Variants in TCTN2 observed in about 807,000 individuals in gnomAD.
TCTN2 encodes the protein tectonic-2.
In TCTN2, 66 loss-of-function variants were observed where a neutral mutation model predicts 83.4. The ratio of observed to expected loss-of-function variants is 0.79; its 90% CI spans 0.65 to 0.97. TCTN2 has a LOEUF of 0.97. TCTN2 is among the 50% of genes least tolerant of loss of function. The probability of loss-of-function intolerance (pLI) is 0.00; values close to 1 mark genes in which losing one functional copy is unlikely to be tolerated. For missense variants in TCTN2, 794 were observed against 858.1 expected (o/e 0.93, Z 0.93); for synonymous variants, 301 against 326.7 (o/e 0.92, Z 0.85).
In TCTN2 at chr12:123,697,072, C is replaced by A; in HGVS notation, c.1394-15C>A. 1 of 1,600,096 alleles carries A rather than the reference C, an allele frequency of 6.2e-7. No homozygotes were observed. Among genetic ancestry groups the A allele is most frequent in the East Asian group, 2.2e-5 (1 of 44,770 alleles). On this transcript the variant is annotated splice_polypyrimidine_tract_variant and intron_variant, in intron 12 of 17. Transcript: ENST00000303372. Reference sequence around the variant, plus strand: ...TAGCAAAAAGTAGCAAGAGGATAATCTTTTTCTTTTATAGCTGGAAGGGGT... The same window carrying A: ...TAGCAAAAAGTAGCAAGAGGATAATATTTTTCTTTTATAGCTGGAAGGGGT...
intron 5 of TCTN2, among the ~76,000 whole-genome samples, chr12:123,682,585 G>A (rs1251883641): frequency 1.3e-5 from 2 of 151,996 alleles, no homozygotes; most frequent in African/African-American, 2.4e-5. Context: ...AGGTTCAAGC[G>A]ATTCTCCTGC....
At chr12:123,697,922 G>A (rs1288329907) in intron 13 of TCTN2, among the ~76,000 whole-genome samples, 2 of 150,432 alleles carry the variant, frequency 1.3e-5, no homozygotes, top group East Asian at 3.9e-4. Flanking sequence ...GTGCAGTGGT[G>A]CAATCATGGC....
intron 5 of TCTN2, among the ~76,000 whole-genome samples, chr12:123,681,359 A>G (rs887568644): frequency 5.9e-5 from 9 of 152,188 alleles, no homozygotes; most frequent in Non-Finnish European, 1.2e-4. Flanking sequence ...GAACATTTCT[A>G]CCACCCCAGA....
intron 5 of TCTN2, among the ~76,000 whole-genome samples, chr12:123,683,112 A>G (rs543036513): frequency 2.0e-5 from 3 of 151,684 alleles, no homozygotes; most frequent in Admixed American, 6.6e-5. Context: ...AGTCCCAGCT[A>G]TTCCGGCGGC....
chr12:123,698,669 G>A (rs565353243), intron 13 of TCTN2, among the ~76,000 whole-genome samples: 1 of 152,118 alleles, frequency 6.6e-6, no homozygotes, highest in Admixed American at 6.6e-5. Context: ...GGGCTCAAAC[G>A]ATCCTCCTGC....
chr12:123,700,664 C>T (rs890815964), intron 14 of TCTN2, among the ~76,000 whole-genome samples: 1 of 152,308 alleles, frequency 6.6e-6, no homozygotes, highest in Admixed American at 6.5e-5. Context: ...AACTCCTGAC[C>T]CCGTGATCCA....
intron 7 of TCTN2, 102 bp downstream of exon 7, chr12:123,688,279 G>C: frequency 6.9e-7 from 1 of 1,442,094 alleles, no homozygotes; most frequent in East Asian, 2.4e-5. Flanking sequence ...TGCAGTGCCA[G>C]ATCTCGGCTC....
At chr12:123,705,895 T>TA (rs1445877051) in intron 15 of TCTN2, among the ~76,000 whole-genome samples, 2 of 151,774 alleles carry the variant, frequency 1.3e-5, no homozygotes, top group African/African-American at 4.8e-5. Flanking sequence ...TAGCTGAGGT[T>TA]ACAAGCATGT....
At chr12:123,678,436 T>G (rs1008449905) in intron 4 of TCTN2, among the ~76,000 whole-genome samples, 3 of 152,218 alleles carry the variant, frequency 2.0e-5, no homozygotes, top group Non-Finnish European at 4.4e-5. Context: ...ATCTGTTTCT[T>G]TTTTGTAGCC....
rs1431924049 is a variant in TCTN2 at position 123,672,485 on chromosome 12, T to A, written c.267+353T>A. Reference sequence around the variant, plus strand: ...GCATCGTGGCTCACGCCTGTACTCATAGCGCTTTGGGAGATTGAGGCGGGA... The same window carrying A: ...GCATCGTGGCTCACGCCTGTACTCAAAGCGCTTTGGGAGATTGAGGCGGGA... On this transcript the variant is annotated intron_variant, in intron 3 of 17. Coordinates refer to ENST00000303372, the MANE Select transcript of TCTN2 (RefSeq NM_024809.5). Among the ~76,000 whole-genome samples, 4 of 152,218 alleles carry A rather than the reference T, an allele frequency of 2.6e-5. No individual in the cohort carries two copies. In the East Asian group the frequency reaches 7.7e-4, roughly 29 times the overall value.
intron 6 of TCTN2, 95 bp from the exon 7 acceptor site, chr12:123,687,956 T>C: frequency 6.6e-7 from 1 of 1,516,482 alleles, no homozygotes; most frequent in Non-Finnish European, 9.1e-7. Context: ...AGAGTGAGAC[T>C]CCATCTCAGA....
intron 3 of TCTN2, among the ~76,000 whole-genome samples, chr12:123,672,494 G>C (rs1356403299): frequency 6.6e-6 from 1 of 152,146 alleles, no homozygotes; most frequent in Non-Finnish European, 1.5e-5. Context: ...ATAGCGCTTT[G>C]GGAGATTGAG....
chr12:123,685,120 C>T (rs1159795028), intron 5 of TCTN2, among the ~76,000 whole-genome samples: 1 of 151,884 alleles, frequency 6.6e-6, no homozygotes, highest in African/African-American at 2.4e-5. Flanking sequence ...TCAAATGGCC[C>T]CTCCTTCTCT....
rs200167288 is a variant in TCTN2, at chr12:123,705,746, CCTTT to C, written c.1770-967_1770-964del. On this transcript the variant is annotated intron_variant, in intron 15 of 17. Coordinates refer to ENST00000303372, the MANE Select transcript of TCTN2 (RefSeq NM_024809.5). Reference sequence around the variant, plus strand: ...GGAGAAAGCCCCTTTCCTCCTCTTTCCTTTCTTTCTTTCTTTTTTTTTTTTTTGA... The same window carrying C: ...GGAGAAAGCCCCTTTCCTCCTCTTTCCTTTCTTTCTTTTTTTTTTTTTTGA... Among the ~76,000 whole-genome samples, 161 of 146,594 alleles carry C rather than the reference CCTTT, an allele frequency of 1.1e-3. 4 individuals carry two copies. In the East Asian group the frequency reaches 0.028, roughly 25 times the overall value.
At chr12:123,687,135 C>A in intron 6 of TCTN2, 100 bp downstream of exon 6, 1 of 1,381,458 alleles carries the variant, frequency 7.2e-7, no homozygotes, top group Non-Finnish European at 1.0e-6. Context: ...TTTTCCCAAC[C>A]CCTCTCCAGA....
rs970111535 is a variant in TCTN2 at position 123,690,909 on chromosome 12, C to T, written c.1033+235C>T. Among the ~76,000 whole-genome samples the T allele has an allele frequency of 3.3e-5, 5 of 152,142 alleles. No individual in the cohort carries two copies. The East Asian group carries it at 5.8e-4, about 18-fold the overall frequency. Reference sequence around the variant, plus strand: ...AGCCTTTTTGTTTGTTTCTCCGTCACGCAGGTTGGAGTGCAGTGGCGTGAT... The same window carrying T: ...AGCCTTTTTGTTTGTTTCTCCGTCATGCAGGTTGGAGTGCAGTGGCGTGAT... On this transcript the variant is annotated intron_variant, in intron 8 of 17. Coordinates refer to ENST00000303372, the MANE Select transcript of TCTN2 (RefSeq NM_024809.5).
intron 14 of TCTN2, among the ~76,000 whole-genome samples, chr12:123,704,164 G>A (rs961342798): frequency 1.7e-4 from 26 of 151,892 alleles, no homozygotes; most frequent in African/African-American, 5.6e-4. Flanking sequence ...GCACCACCAC[G>A]CCCAGCTAAT....
intron 8 of TCTN2, among the ~76,000 whole-genome samples, chr12:123,691,050 G>T (rs1237430372): frequency 3.3e-5 from 5 of 151,972 alleles, no homozygotes; most frequent in Non-Finnish European, 7.4e-5. Flanking sequence ...TGTGTTTTTG[G>T]TAAAGATGGG....
chr12:123,696,500 T>C lies in TCTN2; in HGVS notation c.1393+5T>C. ...CTTTACATCTTTGGCAATCGGGTAATCCGGTTTGGTCATTATGATTAGCCC... is the reference window on the plus strand; with the variant it reads ...CTTTACATCTTTGGCAATCGGGTAACCCGGTTTGGTCATTATGATTAGCCC... On this transcript the variant is annotated splice_donor_5th_base_variant and intron_variant, in intron 12 of 17. Coordinates refer to ENST00000303372, the MANE Select transcript of TCTN2 (RefSeq NM_024809.5). The C allele has an allele frequency of 6.2e-7, 1 of 1,613,496 alleles. No homozygotes were observed. The highest frequency in any genetic ancestry group is 8.5e-7 in the Non-Finnish European group (1 of 1,179,406).
Sources: allele counts gnomAD v4.1 joint callset (sites outside exome capture counted in the v4.1 genomes callset), GRCh38; gene constraint gnomAD v4.1.1; transcripts MANE v1.5; gene names NCBI Gene and HGNC (gene_info 2026-07-23, HGNC 2026-07-21).